The following POF1B variants were observed in gnomAD, a reference collection of about 807,000 sequenced individuals.
The protein encoded by POF1B is protein POF1B.
A neutral mutation model predicts 55.3 loss-of-function variants in POF1B; 53 were observed. The observed-to-expected ratio is 0.96, with a 90% confidence interval of 0.77 to 1.20. The LOEUF (loss-of-function observed/expected upper bound fraction) is 1.20. POF1B is among the 50% of genes most tolerant of loss of function. The pLI is 0.00. For synonymous variants in POF1B, 188 were observed against 148.3 expected (o/e 1.27, Z -1.95); for missense variants, 478 against 420.5 (o/e 1.14, Z -1.20).
intron 2 of POF1B, among the ~76,000 whole-genome samples, chrX:85,376,668 GT>G (rs902887452): frequency 2.7e-5 from 3 of 110,751 alleles, no homozygotes; most frequent in African/African-American, 9.8e-5. Flanking sequence ...TTTAAAATAT[GT>G]TTATATCCAT....
intron 7 of POF1B, among the ~76,000 whole-genome samples, chrX:85,329,415 G>A (rs777260609): frequency 3.6e-5 from 4 of 110,867 alleles, no homozygotes; most frequent in East Asian, 2.8e-4. Context: ...TAATGGCACC[G>A]GTTCAAATAA....
At chrX:85,350,438 G>A (rs1436003348) in intron 5 of POF1B, among the ~76,000 whole-genome samples, 1 of 111,112 alleles carries the variant, frequency 9.0e-6, no homozygotes, top group Non-Finnish European at 1.9e-5. Flanking sequence ...ATCATTGTTG[G>A]ACATTTGGGT....
At chrX:85,302,262 C>T (rs910012025) in intron 15 of POF1B, among the ~76,000 whole-genome samples, 5 of 111,127 alleles carry the variant, frequency 4.5e-5, no homozygotes, top group Admixed American at 9.6e-5. Context: ...AAAGACAACT[C>T]ACTTAAAAAA....
In POF1B at chrX:85,323,048, G is replaced by C. The variant is rs779629734; in HGVS notation, c.855-7314C>G. Among the ~76,000 whole-genome samples, 112 of 110,491 alleles carry C rather than the reference G, an allele frequency of 1.0e-3. 1 individual carries two copies. Among genetic ancestry groups the C allele is most frequent in the African/African-American group, 3.6e-3 (108 of 30,167 alleles). ...GGAAGTCAGTGTGGCGATTCCTCCG[G>C]GATCTAGAACTAGAAATACCACTTG... On this transcript the variant is annotated intron_variant, in intron 7 of 16. Transcript: ENST00000262753.
chrX:85,306,725 A>G (rs1438735935), intron 11 of POF1B, among the ~76,000 whole-genome samples: 1 of 111,469 alleles, frequency 9.0e-6, no homozygotes, highest in African/African-American at 3.2e-5. Context: ...GGAAGAGGGT[A>G]ATCCTTAGAG....
intron 16 of POF1B, among the ~76,000 whole-genome samples, chrX:85,279,962 TTGAG>T (rs1014020713): frequency 6.3e-5 from 7 of 111,106 alleles, no homozygotes; most frequent in African/African-American, 1.3e-4. Context: ...CAAATTATCT[TTGAG>T]TGGCCAATTT....
intron 15 of POF1B, among the ~76,000 whole-genome samples, chrX:85,291,228 A>G (rs1443591206): frequency 8.9e-6 from 1 of 111,831 alleles, no homozygotes; most frequent in Admixed American, 9.5e-5. Context: ...AGCTTGGTCA[A>G]AGATCAGATT....
In POF1B at chrX:85,351,341, A is replaced by G. The variant is rs375552069; in HGVS notation, c.540+9T>C. On this transcript the variant is annotated intron_variant, in intron 5 of 16. Transcript: ENST00000262753. ...TTAAAAACAAGTTTTAAAACAAAAT[A>G]TTACTTACCTGATCAGTATTTAGCT... The G allele has an allele frequency of 2.7e-6, 3 of 1,110,774 alleles. No individual in the cohort carries two copies. Among genetic ancestry groups the G allele is most frequent in the Admixed American group, 2.5e-5 (1 of 39,349 alleles). 91.5% of individuals were successfully genotyped at this position (1,110,774 alleles called of 1,213,427 possible). A position where few individuals can be genotyped will look rare whatever the true frequency, so the allele number is the denominator to read the frequency against.
chrX:85,372,300 T>C (rs1438277243), intron 2 of POF1B, among the ~76,000 whole-genome samples: 4 of 101,818 alleles, frequency 3.9e-5, no homozygotes, highest in African/African-American at 7.5e-5. Context: ...GCCGAGATCG[T>C]GCCACTGTGC....
intron 15 of POF1B, among the ~76,000 whole-genome samples, chrX:85,288,554 T>C (rs1440901415): frequency 9.0e-6 from 1 of 111,457 alleles, no homozygotes; most frequent in African/African-American, 3.3e-5. Context: ...AAGGCAGTGA[T>C]ATGGTTTGGC....
At chrX:85,295,655 A>C (rs1440932147) in intron 15 of POF1B, among the ~76,000 whole-genome samples, 2 of 111,807 alleles carry the variant, frequency 1.8e-5, no homozygotes, top group Non-Finnish European at 3.8e-5. Context: ...CATATGCTCA[A>C]TATTAGAATA....
chrX:85,357,449 C>T (rs1319200840), intron 4 of POF1B, among the ~76,000 whole-genome samples: 1 of 110,968 alleles, frequency 9.0e-6, no homozygotes, highest in Non-Finnish European at 1.9e-5. Context: ...AATCTTCACT[C>T]ATTTTTTTCA....
chrX:85,337,693 A>G (rs1046047082), intron 6 of POF1B, among the ~76,000 whole-genome samples: 7 of 111,899 alleles, frequency 6.3e-5, no homozygotes, highest in Non-Finnish European at 3.8e-5. Flanking sequence ...GAAATAAAGA[A>G]CTAATTTAAC....
intron 5 of POF1B, among the ~76,000 whole-genome samples, chrX:85,347,436 G>A (rs543584730): frequency 9.9e-5 from 11 of 110,788 alleles, no homozygotes; most frequent in Non-Finnish European, 1.5e-4. Flanking sequence ...TAAAAGTGAC[G>A]TATACATTTA....
At chrX:85,311,401 G>A (rs991044379) in intron 9 of POF1B, among the ~76,000 whole-genome samples, 3 of 108,619 alleles carry the variant, frequency 2.8e-5, no homozygotes, top group East Asian at 5.9e-4. Flanking sequence ...GTTCCCATGT[G>A]TTCTCACTGT....
At chrX:85,307,464 T>C (rs1487523470) in intron 10 of POF1B, among the ~76,000 whole-genome samples, 188 bp from the exon 11 acceptor site, 1 of 111,966 alleles carries the variant, frequency 8.9e-6, no homozygotes, top group Non-Finnish European at 1.9e-5. Context: ...AAAACCTTCA[T>C]TGAAAGAGAC....
At chrX:85,369,520 A>G (rs1763221814) in intron 2 of POF1B, among the ~76,000 whole-genome samples, 1 of 111,911 alleles carries the variant, frequency 8.9e-6, no homozygotes, top group African/African-American at 3.2e-5. Flanking sequence ...ATGTATAAAT[A>G]GTAATATTAT....
intron 5 of POF1B, among the ~76,000 whole-genome samples, chrX:85,349,324 A>G (rs907183907): frequency 2.7e-5 from 3 of 111,462 alleles, no homozygotes; most frequent in Admixed American, 1.9e-4. Flanking sequence ...AGGAAAAGCT[A>G]GAATTTTTTA....
chrX:85,325,860 T>C (rs1569288866), intron 7 of POF1B, among the ~76,000 whole-genome samples: 2 of 111,651 alleles, frequency 1.8e-5, no homozygotes, highest in Admixed American at 9.5e-5. Flanking sequence ...TTTTTTCTTT[T>C]ATCCTGTTTG....
Sources: allele counts gnomAD v4.1 joint callset (sites outside exome capture counted in the v4.1 genomes callset), GRCh38; gene constraint gnomAD v4.1.1; transcripts MANE v1.5; gene names NCBI Gene and HGNC (gene_info 2026-07-23, HGNC 2026-07-21).